Variants in ROR1 observed in about 807,000 individuals in gnomAD.
ROR1 encodes the protein ROR family WNT receptor 1.
Under a neutral mutation model 78.8 loss-of-function variants are expected in ROR1, and 19 were observed. The observed-to-expected ratio is 0.24, with a 90% CI of 0.17 to 0.35. The LOEUF (loss-of-function observed/expected upper bound fraction) is 0.35. Ranked by LOEUF, ROR1 falls within the 10% of genes least tolerant of loss-of-function variation. The pLI is 1.00. For missense variants in ROR1, 917 were observed against 1,177.8 expected (o/e 0.78, Z 3.24); for synonymous variants, 386 against 433.6 (o/e 0.89, Z 1.36).
At chr1:63,807,385 G>T (rs1013304035) in intron 1 of ROR1, among the ~76,000 whole-genome samples, 4 of 152,172 alleles carry the variant, frequency 2.6e-5, no homozygotes, top group Non-Finnish European at 4.4e-5. Context: ...GATGAGAGAA[G>T]GGGACAATGC....
Position 64,075,570 on chromosome 1 carries a change from A to C in ROR1, c.482+24854A>C, listed in dbSNP as rs1298727531. Reference sequence around the variant, plus strand: ...AATGCCTCCAGTCACTGTCCTATACATTTTCCCTGTGATTGCAATAACCGT... The same window carrying C: ...AATGCCTCCAGTCACTGTCCTATACCTTTTCCCTGTGATTGCAATAACCGT... On this transcript the variant is annotated intron_variant, in intron 4 of 8. Transcript: ENST00000371079. 2.0e-5 allele frequency among the ~76,000 whole-genome samples: 3 copies of C among 152,038 alleles called. No individual in the cohort carries two copies. The East Asian group carries it at 5.8e-4, about 29-fold the overall frequency.
intron 4 of ROR1, among the ~76,000 whole-genome samples, chr1:64,121,544 G>A (rs1648543467): frequency 6.6e-6 from 1 of 152,242 alleles, no homozygotes; most frequent in Admixed American, 6.5e-5. Context: ...CCCAGCAGTG[G>A]TGTACCAAGG....
At chr1:63,909,673 G>A (rs914244834) in intron 1 of ROR1, among the ~76,000 whole-genome samples, 1 of 152,130 alleles carries the variant, frequency 6.6e-6, no homozygotes, top group African/African-American at 2.4e-5. Context: ...GTGAGGCACT[G>A]TACACATCTG....
chr1:64,156,388 C>T (rs1001508090), intron 7 of ROR1, among the ~76,000 whole-genome samples: 7 of 152,266 alleles, frequency 4.6e-5, no homozygotes, highest in Admixed American at 3.3e-4. Flanking sequence ...CTGACTACGA[C>T]GGCCTCCAGT....
At chr1:64,061,488 A>G (rs1646916861) in intron 4 of ROR1, among the ~76,000 whole-genome samples, 1 of 152,238 alleles carries the variant, frequency 6.6e-6, no homozygotes, top group South Asian at 2.1e-4. Flanking sequence ...TGTAGTTTAA[A>G]GCAGTGCTTC....
intron 1 of ROR1, among the ~76,000 whole-genome samples, chr1:63,827,642 T>C (rs1456144522): frequency 2.0e-5 from 3 of 152,228 alleles, no homozygotes; most frequent in Non-Finnish European, 4.4e-5. Context: ...AGGTTTCTTG[T>C]TCTGAAGTAT....
At chr1:64,068,716 G>C (rs1053979996) in intron 4 of ROR1, among the ~76,000 whole-genome samples, 2 of 152,074 alleles carry the variant, frequency 1.3e-5, no homozygotes, top group African/African-American at 4.8e-5. Flanking sequence ...CTAATGGCTA[G>C]AGTACCATCC....
chr1:63,962,366 A>G (rs182212440), intron 1 of ROR1, among the ~76,000 whole-genome samples: 7 of 152,278 alleles, frequency 4.6e-5, no homozygotes, highest in Admixed American at 4.6e-4. Context: ...GAACGAAGAA[A>G]TGAATGTTAT....
intron 1 of ROR1, among the ~76,000 whole-genome samples, chr1:63,882,058 A>T (rs1645326558): frequency 6.6e-6 from 1 of 152,176 alleles, no homozygotes. Flanking sequence ...AATTCTGCAC[A>T]TGGAGCAGAA....
At chr1:63,858,272 G>A (rs1645160668) in intron 1 of ROR1, among the ~76,000 whole-genome samples, 1 of 151,880 alleles carries the variant, frequency 6.6e-6, no homozygotes, top group South Asian at 2.1e-4. Context: ...TTTTTTCACT[G>A]CTCTTGCCTG....
chr1:64,083,717 G>A (rs1295418023), intron 4 of ROR1, among the ~76,000 whole-genome samples: 6 of 152,148 alleles, frequency 3.9e-5, no homozygotes, highest in Non-Finnish European at 4.4e-5. Flanking sequence ...TTTCTGGAAC[G>A]TGGCAACAAG....
chr1:63,783,854 G>T (rs540487239), intron 1 of ROR1, among the ~76,000 whole-genome samples: 2 of 152,174 alleles, frequency 1.3e-5, no homozygotes, highest in South Asian at 2.1e-4. Flanking sequence ...AATGCATGTG[G>T]CAGGGTGCTC....
At chr1:64,118,398 G>A (rs1648395756) in intron 4 of ROR1, among the ~76,000 whole-genome samples, 2 of 151,842 alleles carry the variant, frequency 1.3e-5, no homozygotes, top group Admixed American at 1.3e-4. Flanking sequence ...GGAGGCCGAG[G>A]CAGGCAGATC....
At chr1:64,022,001 A>G (rs1232667165) in intron 2 of ROR1, among the ~76,000 whole-genome samples, 1 of 152,232 alleles carries the variant, frequency 6.6e-6, no homozygotes, top group African/African-American at 2.4e-5. Flanking sequence ...CTAAATGTCC[A>G]TCAGTGGGAT....
At chr1:63,990,849 A>T (rs1240355089) in intron 1 of ROR1, among the ~76,000 whole-genome samples, 2 of 152,216 alleles carry the variant, frequency 1.3e-5, no homozygotes, top group Non-Finnish European at 2.9e-5. Context: ...ATTTCTTGGC[A>T]TTTTAATAGA....
chr1:64,044,105 A>G (rs1284270739), intron 2 of ROR1, among the ~76,000 whole-genome samples: 1 of 152,196 alleles, frequency 6.6e-6, no homozygotes, highest in Non-Finnish European at 1.5e-5. Flanking sequence ...ATTGCCCCAA[A>G]GCCCCAAACT....
chr1:64,080,734 G>T (rs1338090860), intron 4 of ROR1, among the ~76,000 whole-genome samples: 1 of 152,180 alleles, frequency 6.6e-6, no homozygotes, highest in African/African-American at 2.4e-5. Context: ...AGTACGGATG[G>T]AGGACAAGCT....
intron 4 of ROR1, among the ~76,000 whole-genome samples, chr1:64,104,013 G>A (rs1416744858): frequency 2.0e-5 from 3 of 152,018 alleles, no homozygotes; most frequent in Non-Finnish European, 4.4e-5. Context: ...GCTAAATATC[G>A]TACAGTGCAC....
chr1:63,793,478 C>CA (rs1184652129), intron 1 of ROR1, among the ~76,000 whole-genome samples: 14 of 152,320 alleles, frequency 9.2e-5, no homozygotes, highest in African/African-American at 3.1e-4. Context: ...ACCAAAATAT[C>CA]ACATGTGCTC....
Sources: gnomAD v4.1 joint callset for allele counts (sites outside exome capture counted in the v4.1 genomes callset) on GRCh38, gnomAD v4.1.1 for gene constraint, MANE v1.5 for transcripts, NCBI Gene and HGNC (gene_info 2026-07-23, HGNC 2026-07-21) for gene names.